The following NALCN variants were observed in gnomAD, a reference collection of about 807,000 sequenced individuals.
NALCN encodes the protein sodium leak channel NALCN.
In NALCN, 111 loss-of-function variants were observed where a neutral mutation model predicts 225.3. That is an observed-to-expected ratio of 0.49 (90% CI 0.42 to 0.58). NALCN has a LOEUF of 0.58. NALCN is among the 20% of genes least tolerant of loss of function. The pLI is 0.00. For synonymous variants in NALCN, 764 were observed against 769.0 expected (o/e 0.99, Z 0.11); for missense variants, 1,378 against 2,202.4 (o/e 0.63, Z 7.49).
chr13:101,238,485 G>T (rs1394449757), intron 11 of NALCN, among the ~76,000 whole-genome samples: 1 of 151,798 alleles, frequency 6.6e-6, no homozygotes, highest in Non-Finnish European at 1.5e-5. Flanking sequence ...TAAAATTAAT[G>T]ATCAATATTA....
chr13:101,103,405 A>T, intron 25 of NALCN, 66 bp from the exon 26 acceptor site: 1 of 1,520,204 alleles, frequency 6.6e-7, no homozygotes, highest in Non-Finnish European at 8.8e-7. Context: ...ATTTTCTGAC[A>T]GCCGACTGGC....
Position 101,297,333 on chromosome 13 carries a change from G to C in NALCN, c.800-4967C>G, listed in dbSNP as rs148603398. Among the ~76,000 whole-genome samples, 843 of 152,288 alleles carry C rather than the reference G, an allele frequency of 5.5e-3. 7 individuals are homozygous for C. The highest frequency in any genetic ancestry group is 0.031 in the Middle Eastern group (9 of 294). On this transcript the variant is annotated intron_variant, in intron 7 of 43. Coordinates refer to ENST00000251127, the MANE Select transcript of NALCN (RefSeq NM_052867.4). ...AAGTTAGAATTGGAGATGTAAGCCC[G>C]AGACAGTGGAATAAGAATGAGTCAG...
In NALCN at chr13:101,094,145, G is replaced by C. The variant is rs553173821; in HGVS notation, c.3269+1429C>G. Among the ~76,000 whole-genome samples, 6 of 152,252 alleles carry C rather than the reference G, an allele frequency of 3.9e-5. No individual in the cohort carries two copies. In the East Asian group the frequency reaches 9.7e-4, roughly 25 times the overall value. On this transcript the variant is annotated intron_variant, in intron 28 of 43. Coordinates refer to ENST00000251127, the MANE Select transcript of NALCN (RefSeq NM_052867.4). The stretch of plus-strand genomic sequence containing the variant: ...CACACCTACGGACCCTTTGGAGGGG[G>C]GTACCCTTTCCCAGCACAAAGCCCT...
chr13:101,400,178 C>A (rs546708493), intron 1 of NALCN, among the ~76,000 whole-genome samples: 1 of 152,112 alleles, frequency 6.6e-6, no homozygotes, highest in East Asian at 1.9e-4. Context: ...AAAAACTCAT[C>A]TTCTTACACA....
chr13:101,290,143 A>T (rs2043497743), intron 9 of NALCN, among the ~76,000 whole-genome samples: 1 of 152,250 alleles, frequency 6.6e-6, no homozygotes, highest in Admixed American at 6.5e-5. Flanking sequence ...ACAATTTTGC[A>T]TCAAAATGAT....
intron 41 of NALCN, among the ~76,000 whole-genome samples, chr13:101,061,631 C>T (rs1312149222): frequency 6.6e-6 from 1 of 152,084 alleles, no homozygotes; most frequent in Non-Finnish European, 1.5e-5. Context: ...TTGAGCTCCC[C>T]CCTTGACCTC....
chr13:101,330,088 C>CAT (rs911281042), intron 7 of NALCN, among the ~76,000 whole-genome samples: 196 of 149,808 alleles, frequency 1.3e-3, no homozygotes, highest in African/African-American at 3.7e-3. Flanking sequence ...TTATTAGCAG[C>CAT]ATATATATAT....
At position 101,258,514 on chromosome 13, in the gene NALCN, T is replaced by A. The variant is rs1250155071; in HGVS notation, c.1195A>T (p.Ile399Phe). The change falls in exon 11 of 44, where the codon ATC (isoleucine) becomes TTC (phenylalanine). Residue 399 changes from isoleucine (I) to phenylalanine (F), a missense_variant. Ile to Phe is a conservative substitution (Grantham distance 21). This residue lies in a region of NALCN where 144 missense variants were observed against 187.7 expected (regional missense o/e 0.77). Coordinates refer to ENST00000251127, the MANE Select transcript of NALCN (RefSeq NM_052867.4). ...TTGTAGTAGTTGCTAGCCGCCACGA[T>A]CACGTCCACGGTCACCATGCTCAGG... is the stretch of plus-strand genomic sequence containing the variant. ...FILSMVTVDV[I>F]VAASNYYKGE... 6.2e-7 allele frequency: 1 copy of A among 1,614,156 alleles called. No homozygotes were observed. Among genetic ancestry groups the A allele is most frequent in the Non-Finnish European group, 8.5e-7 (1 of 1,180,018 alleles).
At chr13:101,319,801 T>G (rs2044683042) in intron 7 of NALCN, among the ~76,000 whole-genome samples, 1 of 148,366 alleles carries the variant, frequency 6.7e-6, no homozygotes, top group African/African-American at 2.5e-5. Context: ...TATCAGGAAA[T>G]ATATCAAATT....
intron 10 of NALCN, among the ~76,000 whole-genome samples, chr13:101,271,575 G>A (rs1046332731): frequency 5.3e-5 from 8 of 151,816 alleles, no homozygotes; most frequent in Non-Finnish European, 1.0e-4. Flanking sequence ...ATATTCCCCT[G>A]AGAAATTGAA....
At chr13:101,409,490 C>T (rs146253226) in intron 1 of NALCN, among the ~76,000 whole-genome samples, 3,526 of 152,218 alleles carry the variant, frequency 0.023, 64 homozygotes, top group South Asian at 0.045. Flanking sequence ...ACCGTCCTAC[C>T]CTGTGCTGAG....
chr13:101,207,349 A>C (rs998941159), intron 13 of NALCN, among the ~76,000 whole-genome samples: 1 of 152,230 alleles, frequency 6.6e-6, no homozygotes, highest in Non-Finnish European at 1.5e-5. Flanking sequence ...GTTGTATTTC[A>C]TATTTTGTTT....
intron 15 of NALCN, among the ~76,000 whole-genome samples, chr13:101,164,110 A>G (rs140983691): frequency 1.4e-4 from 21 of 152,228 alleles, no homozygotes; most frequent in African/African-American, 4.8e-4. Context: ...CCTATTTCCA[A>G]TCAAGTTACA....
Position 101,229,604 on chromosome 13 carries a change from C to A in NALCN, c.1435-20G>T. ...GAGAACCTATCAAGGGAGAGAGAAACATTTATTTACACATATGATCATTTA... is the reference window on the plus strand; with the variant it reads ...GAGAACCTATCAAGGGAGAGAGAAAAATTTATTTACACATATGATCATTTA... On this transcript the variant is annotated intron_variant, in intron 12 of 43. Coordinates refer to ENST00000251127, the MANE Select transcript of NALCN (RefSeq NM_052867.4). 6.6e-7 allele frequency: 1 copy of A among 1,518,342 alleles called. No individual in the cohort carries two copies. Among genetic ancestry groups the A allele is most frequent in the South Asian group, 1.3e-5 (1 of 75,108 alleles). The allele number at this position is 1,518,342 out of a possible 1,614,324, so 94.1% of individuals were successfully genotyped here.
chr13:101,396,062 A>G (rs1322241495), intron 2 of NALCN, among the ~76,000 whole-genome samples: 1 of 152,220 alleles, frequency 6.6e-6, no homozygotes, highest in Non-Finnish European at 1.5e-5. Flanking sequence ...CACATTTTAT[A>G]CAAATTTAGC....
At chr13:101,321,012 A>G (rs516970) in intron 7 of NALCN, among the ~76,000 whole-genome samples, 61,951 of 151,912 alleles carry the variant, frequency 0.41, 12,976 homozygotes, top group Middle Eastern at 0.47. Context: ...CCATTCAATG[A>G]TGCCGATGTT....
chr13:101,175,255 TTC>T (rs1359502460), intron 15 of NALCN, among the ~76,000 whole-genome samples: 1 of 151,198 alleles, frequency 6.6e-6, no homozygotes, highest in Non-Finnish European at 1.5e-5. Context: ...TGTTTGTTTG[TTC>T]TGTTTTTTTT....
At chr13:101,143,357 ATATTTCATT>A in intron 16 of NALCN, 136 bp from the exon 17 acceptor site, 1 of 805,770 alleles carries the variant, frequency 1.2e-6, no homozygotes, top group Non-Finnish European at 1.8e-6. Context: ...CATGACTAAA[ATATTTCATT>A]AGCAACAGCT....
intron 38 of NALCN, 128 bp downstream of exon 38, chr13:101,068,567 C>T (rs530954341): frequency 9.8e-7 from 1 of 1,022,166 alleles, no homozygotes; most frequent in Non-Finnish European, 1.3e-6. Flanking sequence ...GATTGAGAGA[C>T]AACAATTTAT....
Sources: gnomAD v4.1 joint callset for allele counts (sites outside exome capture counted in the v4.1 genomes callset) on GRCh38, gnomAD v4.1.1 for gene constraint, gnomAD v4.1.1 regional missense constraint, MANE v1.5 for transcripts, NCBI Gene and HGNC (gene_info 2026-07-23, HGNC 2026-07-21) for gene names.